Variants in B3GAT2 observed in about 807,000 individuals in gnomAD.
The protein encoded by B3GAT2 is beta-1,3-glucuronyltransferase 2, also known as galactosylgalactosylxylosylprotein 3-beta-glucuronosyltransferase 2.
Under a neutral mutation model 27.8 loss-of-function variants are expected in B3GAT2, and 26 were observed. That is an observed-to-expected ratio of 0.93 (90% CI 0.68 to 1.30). The LOEUF is 1.30. Among genes scored for constraint, B3GAT2 ranks in the 50% most tolerant of loss-of-function variants. B3GAT2 has a pLI of 0.00. For missense variants in B3GAT2, 458 were observed against 459.0 expected (o/e 1.00, Z 0.02); for synonymous variants, 218 against 195.1 (o/e 1.12, Z -0.98).
chr6:70,931,304 C>G (rs1172540304), intron 1 of B3GAT2, among the ~76,000 whole-genome samples: 1 of 151,794 alleles, frequency 6.6e-6, no homozygotes, highest in Non-Finnish European at 1.5e-5. Flanking sequence ...GCACGTTGTG[C>G]ACATGTACCC....
At chr6:70,910,063 T>C (rs567782420) in intron 1 of B3GAT2, among the ~76,000 whole-genome samples, 46 of 152,078 alleles carry the variant, frequency 3.0e-4, no homozygotes, top group Admixed American at 1.3e-4. Flanking sequence ...TTAGTAGAGA[T>C]GGGGTTTCAC....
At chr6:70,867,177 A>C (rs1771864879) in intron 2 of B3GAT2, among the ~76,000 whole-genome samples, 1 of 152,178 alleles carries the variant, frequency 6.6e-6, no homozygotes, top group African/African-American at 2.4e-5. Flanking sequence ...GAGTGTTTAG[A>C]TGGGAAACTA....
At chr6:70,867,454 A>C (rs777196258) in intron 2 of B3GAT2, among the ~76,000 whole-genome samples, 1 of 152,152 alleles carries the variant, frequency 6.6e-6, no homozygotes, top group African/African-American at 2.4e-5. Context: ...GAAAAAGAGA[A>C]GATATAAATT....
intron 2 of B3GAT2, among the ~76,000 whole-genome samples, chr6:70,881,912 T>C (rs973261721): frequency 6.6e-6 from 1 of 152,212 alleles, no homozygotes; most frequent in East Asian, 1.9e-4. Context: ...CATGTCCTTT[T>C]CTGTTTTCCA....
Position 70,857,939 on chromosome 6 carries a change from A to G in B3GAT2, c.*3724T>C, listed in dbSNP as rs1222837861. On this transcript the variant is annotated 3_prime_UTR_variant, in exon 4 of 4. Coordinates refer to ENST00000230053, the MANE Select transcript of B3GAT2 (RefSeq NM_080742.3). ...TGGTGCAGGTGTATTTATGGGACCC[A>G]CAAATATACCATTTACCTCACAAGC... 3.1e-6 allele frequency: 5 copies of G among 1,614,026 alleles called. No individual in the cohort carries two copies. Among genetic ancestry groups the G allele is most frequent in the Non-Finnish European group, 4.2e-6 (5 of 1,179,950 alleles).
At chr6:70,915,967 T>C (rs1469310318) in intron 1 of B3GAT2, among the ~76,000 whole-genome samples, 2 of 152,226 alleles carry the variant, frequency 1.3e-5, no homozygotes, top group African/African-American at 4.8e-5. Context: ...AGGGATAGCA[T>C]TGAATCTTTA....
At chr6:70,890,770 T>C (rs1772275037) in intron 2 of B3GAT2, among the ~76,000 whole-genome samples, 1 of 152,200 alleles carries the variant, frequency 6.6e-6, no homozygotes, top group Non-Finnish European at 1.5e-5. Flanking sequence ...CAGAATCTAA[T>C]TGCAGTACAC....
At chr6:70,888,494 G>T (rs1367525111) in intron 2 of B3GAT2, among the ~76,000 whole-genome samples, 1 of 150,882 alleles carries the variant, frequency 6.6e-6, no homozygotes, top group Non-Finnish European at 1.5e-5. Context: ...AATTTTATAA[G>T]TCCCCAATAG....
chr6:70,870,945 G>GT (rs1398614417), intron 2 of B3GAT2, among the ~76,000 whole-genome samples: 2 of 152,018 alleles, frequency 1.3e-5, no homozygotes, highest in Non-Finnish European at 2.9e-5. Flanking sequence ...TCTCTCTAGT[G>GT]TTTTTATCAT....
chr6:70,937,953 G>A (rs28841322), intron 1 of B3GAT2, among the ~76,000 whole-genome samples: 61,438 of 149,234 alleles, frequency 0.41, 13,231 homozygotes, highest in East Asian at 0.59. Context: ...GGAAAAGAGG[G>A]AGTCAAATTG....
intron 1 of B3GAT2, among the ~76,000 whole-genome samples, chr6:70,901,321 C>A (rs1320475041): frequency 6.6e-6 from 1 of 152,164 alleles, no homozygotes; most frequent in Non-Finnish European, 1.5e-5. Flanking sequence ...TGACACTTAA[C>A]CTCTGTGGCA....
chr6:70,920,285 A>G (rs1582381084), intron 1 of B3GAT2, among the ~76,000 whole-genome samples: 1 of 152,222 alleles, frequency 6.6e-6, no homozygotes, highest in Admixed American at 6.5e-5. Flanking sequence ...GGAAAAGTGC[A>G]GTATTTGAGC....
At chr6:70,934,848 C>A (rs61449561) in intron 1 of B3GAT2, among the ~76,000 whole-genome samples, 1 of 152,144 alleles carries the variant, frequency 6.6e-6, no homozygotes, top group African/African-American at 2.4e-5. Context: ...AATGCTCCAT[C>A]CATGTCACTA....
intron 1 of B3GAT2, among the ~76,000 whole-genome samples, chr6:70,915,301 A>G (rs1772753589): frequency 6.6e-6 from 1 of 151,914 alleles, no homozygotes; most frequent in Non-Finnish European, 1.5e-5. Flanking sequence ...CATTCTGAAT[A>G]TTAGCCCTTT....
At chr6:70,865,178 GTGCAGTGGCACAA>G (rs1771829538) in intron 2 of B3GAT2, among the ~76,000 whole-genome samples, 1 of 152,202 alleles carries the variant, frequency 6.6e-6, no homozygotes, top group Non-Finnish European at 1.5e-5. Flanking sequence ...CCAGGCTGGA[GTGCAGTGGCACAA>G]TCTCGGCTCA....
At chr6:70,920,971 T>C (rs996348172) in intron 1 of B3GAT2, among the ~76,000 whole-genome samples, 2 of 152,210 alleles carry the variant, frequency 1.3e-5, no homozygotes, top group African/African-American at 4.8e-5. Context: ...TCCTGGCTTG[T>C]AGTGCTTTTG....
Position 70,856,804 on chromosome 6 carries a change from A to T in B3GAT2, c.*4859T>A. On this transcript the variant is annotated 3_prime_UTR_variant, in exon 4 of 4. Transcript: ENST00000230053. ...ACTTTATTTGGATTTTAAGTAATGG[A>T]TAAGCTGCGCTTTACTATGCAGAAT... 1.3e-6 allele frequency: 2 copies of T among 1,486,770 alleles called. No individual in the cohort carries two copies. The highest frequency in any genetic ancestry group is 3.6e-4 in the Middle Eastern group (2 of 5,572). The allele number at this position is 1,486,770 out of a possible 1,614,324, so 92.1% of individuals were successfully genotyped here.
chr6:70,888,838 A>G (rs1048045834), intron 2 of B3GAT2, among the ~76,000 whole-genome samples: 7 of 152,236 alleles, frequency 4.6e-5, no homozygotes, highest in Non-Finnish European at 1.0e-4. Flanking sequence ...GCCTGGGCCT[A>G]GCACGGAAGG....
At chr6:70,879,816 TGGC>T (rs1201066445) in intron 2 of B3GAT2, among the ~76,000 whole-genome samples, 1 of 151,846 alleles carries the variant, frequency 6.6e-6, no homozygotes, top group East Asian at 1.9e-4. Context: ...GTACACGTGA[TGGC>T]GGGATTGTGA....
Sources: gnomAD v4.1 joint callset for allele counts (sites outside exome capture counted in the v4.1 genomes callset) on GRCh38, gnomAD v4.1.1 for gene constraint, MANE v1.5 for transcripts, NCBI Gene and HGNC (gene_info 2026-07-23, HGNC 2026-07-21) for gene names.